Variants in SPECC1 observed in about 807,000 individuals in gnomAD.
SPECC1 encodes cytospin-B.
SPECC1 carries 62 observed loss-of-function variants against 104.1 expected under a neutral mutation model. The ratio of observed to expected loss-of-function variants is 0.60; its 90% confidence interval spans 0.49 to 0.74. SPECC1 has a LOEUF of 0.74. Among genes scored for constraint, SPECC1 ranks in the 30% least tolerant of loss-of-function variants. The pLI is 0.00. For missense variants in SPECC1, 1,306 were observed against 1,310.5 expected (o/e 1.00, Z 0.05); for synonymous variants, 513 against 501.6 (o/e 1.02, Z -0.30).
intron 13 of SPECC1, 69 bp downstream of exon 13, chr17:20,297,146 T>C: frequency 7.3e-7 from 1 of 1,361,906 alleles, no homozygotes. Flanking sequence ...TAAACCCCAC[T>C]GTGGGAGGGG....
At chr17:20,211,283 C>G (rs2037131046) in intron 4 of SPECC1, among the ~76,000 whole-genome samples, 1 of 152,224 alleles carries the variant, frequency 6.6e-6, no homozygotes, top group Non-Finnish European at 1.5e-5. Context: ...CACCAAATAT[C>G]AACTCTGGTG....
At chr17:20,212,030 A>T (rs1311373942) in intron 4 of SPECC1, among the ~76,000 whole-genome samples, 1 of 152,224 alleles carries the variant, frequency 6.6e-6, no homozygotes, top group African/African-American at 2.4e-5. Flanking sequence ...ACCAGGGTAC[A>T]GCCACTGCTT....
chr17:20,305,317 T>TA (rs1460978301), intron 13 of SPECC1, among the ~76,000 whole-genome samples: 2 of 152,002 alleles, frequency 1.3e-5, no homozygotes, highest in African/African-American at 4.8e-5. Flanking sequence ...ACATACAAAG[T>TA]AGAGTCAGGA....
At chr17:20,108,118 G>A (rs2048322270) in intron 2 of SPECC1, among the ~76,000 whole-genome samples, 1 of 152,086 alleles carries the variant, frequency 6.6e-6, no homozygotes, top group Non-Finnish European at 1.5e-5. Context: ...GGATGGTGGT[G>A]ATGGTTGTAC....
chr17:20,250,914 A>G (rs1273424386), intron 9 of SPECC1, among the ~76,000 whole-genome samples: 1 of 152,164 alleles, frequency 6.6e-6, no homozygotes, highest in East Asian at 1.9e-4. Flanking sequence ...GTAATTCACC[A>G]CATTAACAAA....
intron 1 of SPECC1, among the ~76,000 whole-genome samples, chr17:20,051,256 A>G (rs2045766331): frequency 6.6e-6 from 1 of 151,068 alleles, no homozygotes; most frequent in Non-Finnish European, 1.5e-5. Context: ...GCCCACTGCA[A>G]CCTCTGCCTC....
intron 1 of SPECC1, among the ~76,000 whole-genome samples, chr17:20,076,909 T>C (rs973598798): frequency 2.0e-5 from 3 of 152,220 alleles, no homozygotes; most frequent in African/African-American, 7.2e-5. Flanking sequence ...AGAACCTCTT[T>C]ATGGTATTTT....
intron 1 of SPECC1, among the ~76,000 whole-genome samples, chr17:20,065,095 C>T (rs2046314307): frequency 6.6e-6 from 1 of 152,168 alleles, no homozygotes; most frequent in African/African-American, 2.4e-5. Flanking sequence ...TGATCTAACC[C>T]ACCTGTTTTG....
chr17:20,308,033 GA>G (rs2041820779), intron 14 of SPECC1, among the ~76,000 whole-genome samples: 1 of 152,134 alleles, frequency 6.6e-6, no homozygotes, highest in South Asian at 2.1e-4. Flanking sequence ...GGTCAATGAG[GA>G]TTTTTAAAGA....
intron 9 of SPECC1, among the ~76,000 whole-genome samples, chr17:20,251,283 C>T (rs537816927): frequency 2.1e-5 from 3 of 141,392 alleles, no homozygotes; most frequent in Admixed American, 7.3e-5. Context: ...AAAATGTAGT[C>T]GATAAAGATT....
At chr17:20,284,715 C>T (rs6587061) in intron 12 of SPECC1, among the ~76,000 whole-genome samples, 37,806 of 152,124 alleles carry the variant, frequency 0.25, 5,902 homozygotes, top group African/African-American at 0.45. Flanking sequence ...GATCTGTAAA[C>T]TGTTAAACTT....
chr17:20,304,070 G>A (rs188730793), intron 13 of SPECC1, among the ~76,000 whole-genome samples: 48 of 126,738 alleles, frequency 3.8e-4, no homozygotes, highest in Middle Eastern at 6.9e-3. Context: ...CCAGGAGTTC[G>A]AAACTAGCCT....
At chr17:20,196,598 C>G (rs2036051052) in intron 3 of SPECC1, among the ~76,000 whole-genome samples, 1 of 152,194 alleles carries the variant, frequency 6.6e-6, no homozygotes, top group African/African-American at 2.4e-5. Context: ...CTTGGACTTT[C>G]TGACTTGCCC....
chr17:20,151,371 AT>A (rs541133956), intron 3 of SPECC1, among the ~76,000 whole-genome samples: 121 of 152,134 alleles, frequency 8.0e-4, no homozygotes, highest in Non-Finnish European at 1.0e-3. Context: ...CGTTGTCAGC[AT>A]TTTTTTGAAT....
chr17:20,141,756 C>A (rs554367652), intron 3 of SPECC1, among the ~76,000 whole-genome samples: 1 of 152,112 alleles, frequency 6.6e-6, no homozygotes, highest in South Asian at 2.1e-4. Context: ...GTTTTTTATC[C>A]GTATAGCTCC....
At chr17:20,223,147 C>T (rs1054591520) in intron 4 of SPECC1, among the ~76,000 whole-genome samples, 2 of 152,010 alleles carry the variant, frequency 1.3e-5, no homozygotes, top group Non-Finnish European at 2.9e-5. Context: ...CTCTCTACCT[C>T]CTCTTTAAAG....
intron 3 of SPECC1, chr17:20,111,776 G>A (rs2048506003): frequency 5.3e-6 from 4 of 755,308 alleles, no homozygotes; most frequent in African/African-American, 3.6e-5. Flanking sequence ...GAGGAGGATC[G>A]GGTGGGAGGG....
chr17:20,228,501 T>C (rs2703773), intron 5 of SPECC1, among the ~76,000 whole-genome samples: 115,990 of 152,144 alleles, frequency 0.76, 45,425 homozygotes, highest in East Asian at 0.99. Flanking sequence ...TAAGGATATT[T>C]TGCAGGGTAG....
intron 1 of SPECC1, among the ~76,000 whole-genome samples, chr17:20,039,308 AT>A (rs1369876433): frequency 2.6e-5 from 4 of 152,004 alleles, no homozygotes; most frequent in East Asian, 1.9e-4. Flanking sequence ...CTCCATGCTG[AT>A]TTTTTTGTCT....
Sources: allele counts gnomAD v4.1 joint callset (sites outside exome capture counted in the v4.1 genomes callset), GRCh38; gene constraint gnomAD v4.1.1; transcripts MANE v1.5; gene names NCBI Gene and HGNC (gene_info 2026-07-23, HGNC 2026-07-21).